COPA: variants seen among roughly 807,000 people sequenced by gnomAD.
COPA encodes the protein coatomer subunit alpha.
A neutral mutation model predicts 158.7 loss-of-function variants in COPA; 10 were observed. The ratio of observed to expected loss-of-function variants is 0.06; its 90% CI spans 0.04 to 0.11. COPA has a LOEUF of 0.11. Ranked by LOEUF, COPA falls within the 10% of genes least tolerant of loss-of-function variation. COPA has a pLI of 1.00. For synonymous variants in COPA, 462 were observed against 542.8 expected, an observed-to-expected ratio of 0.85 and a Z score of 2.07; for missense variants, 1,065 against 1,536.7, an observed-to-expected ratio of 0.69 and a Z score of 5.13.
Position 160,289,551 on chromosome 1 carries a change from T to C in COPA, c.*606A>G, listed in dbSNP as rs1281649173. The C allele has an allele frequency of 2.6e-5, 4 of 151,680 alleles. No individual in the cohort carries two copies. The highest frequency in any genetic ancestry group is 9.7e-5 in the African/African-American group (4 of 41,238). The allele number at this position is 151,680 out of a possible 1,614,324, so 9.4% of individuals were successfully genotyped here. A position where few individuals can be genotyped will look rare whatever the true frequency, so the allele number is the denominator to read the frequency against. ...CTGCTGTGGGGAAAGGAGGGATAAA[T>C]ACTGAAGGGATTTACTAAACAAATG... On this transcript the variant is annotated 3_prime_UTR_variant, in exon 33 of 33. Coordinates refer to ENST00000241704, the MANE Select transcript of COPA (RefSeq NM_004371.4).
In COPA at chr1:160,295,807, A is replaced by G; in HGVS notation, c.2405T>C (p.Met802Thr). 1 of 1,613,710 alleles carries G rather than the reference A, an allele frequency of 6.2e-7. No homozygotes were observed. The highest frequency in any genetic ancestry group is 8.5e-7 in the Non-Finnish European group (1 of 1,179,888). The change falls in exon 23 of 33, where the codon ATG (methionine) becomes ACG (threonine). Residue 802 changes from methionine (M) to threonine (T), a missense_variant. Coordinates refer to ENST00000241704, the MANE Select transcript of COPA (RefSeq NM_004371.4). ...TAAAGGCCAATTGGTATCCAATGGC[A>G]TGATAGGTGCAGGTGGCTGGAGCAG... ...AKLLQPPAPI[M>T]PLDTNWPLLT...
intron 11 of COPA, among the ~76,000 whole-genome samples, chr1:160,311,453 A>T (rs1417714598): frequency 1.4e-5 from 2 of 141,876 alleles, no homozygotes; most frequent in African/African-American, 5.3e-5. Context: ...AAAAAAATTT[A>T]AAAATAAATA....
chr1:160,338,222 A>C (rs532497157), intron 3 of COPA, among the ~76,000 whole-genome samples: 3 of 152,326 alleles, frequency 2.0e-5, no homozygotes, highest in South Asian at 2.1e-4. Context: ...CAAATACAAA[A>C]ATACTATAAT....
chr1:160,295,034 C>G (rs1230732194), intron 23 of COPA, among the ~76,000 whole-genome samples, 177 bp from the exon 24 acceptor site: 1 of 152,172 alleles, frequency 6.6e-6, no homozygotes, highest in Non-Finnish European at 1.5e-5. Context: ...CTTGCAGTAG[C>G]TTTCACAGAG....
chr1:160,341,796 T>C (rs1387034972), intron 1 of COPA, among the ~76,000 whole-genome samples: 1 of 152,208 alleles, frequency 6.6e-6, no homozygotes, highest in Non-Finnish European at 1.5e-5. Context: ...TTCTAAATTG[T>C]CTATTTTTCC....
chr1:160,309,308 A>G, intron 12 of COPA, 132 bp from the exon 13 acceptor site: 1 of 684,928 alleles, frequency 1.5e-6, no homozygotes. Context: ...CTTACCCTTC[A>G]CCCAGAGGGC....
intron 21 of COPA, 141 bp downstream of exon 21, chr1:160,297,202 A>G: frequency 1.4e-6 from 1 of 731,734 alleles, no homozygotes; most frequent in Non-Finnish European, 2.3e-6. Context: ...AAATCTTCTA[A>G]GCACAGTAGG....
chr1:160,315,015 C>A (rs1307438704), intron 8 of COPA, among the ~76,000 whole-genome samples: 1 of 152,182 alleles, frequency 6.6e-6, no homozygotes, highest in Non-Finnish European at 1.5e-5. Flanking sequence ...CTCCCCTCCA[C>A]AGAAAACCCA....
chr1:160,313,268 G>A (rs1659027428), intron 9 of COPA, 101 bp from the exon 10 acceptor site: 1 of 1,017,506 alleles, frequency 9.8e-7, no homozygotes, highest in Non-Finnish European at 1.5e-6. Flanking sequence ...TGATTAAAAT[G>A]TAAATCAGGG....
intron 24 of COPA, 34 bp downstream of exon 24, chr1:160,294,734 T>C (rs1314629227): frequency 9.9e-6 from 16 of 1,610,714 alleles, no homozygotes; most frequent in Admixed American, 1.7e-5. Flanking sequence ...AAGGTGTCCA[T>C]CACCCCAGAA....
In COPA at chr1:160,297,722, T is replaced by C. The variant is rs1557861972; in HGVS notation, c.2001A>G (p.Ala667=). The C allele has an allele frequency of 1.2e-6, 2 of 1,614,062 alleles. No individual in the cohort carries two copies. Among genetic ancestry groups the C allele is most frequent in the African/African-American group, 1.3e-5 (1 of 75,030 alleles). Residue 667 remains alanine (A), a synonymous_variant, in exon 20 of 33, where the codon GCA becomes GCG. Transcript: ENST00000241704. ...NIEIALEAAK[A]LDDKNCWEKL... is the part of the protein sequence containing the mutation. Reference sequence around the variant, plus strand: ...TTTCCCAGCAGTTCTTGTCATCCAGTGCTTTGGCTGCTTCCAGAGCAATCT... The same window carrying C: ...TTTCCCAGCAGTTCTTGTCATCCAGCGCTTTGGCTGCTTCCAGAGCAATCT...
At position 160,317,176 on chromosome 1, in the gene COPA, T is replaced by C. The variant is rs78562513; in HGVS notation, c.707-3051A>G. Among the ~76,000 whole-genome samples the C allele has an allele frequency of 4.5e-3, 683 of 152,318 alleles. 6 individuals are homozygous for C. Among genetic ancestry groups the C allele is most frequent in the African/African-American group, 0.016 (646 of 41,566 alleles). Reference sequence around the variant, plus strand: ...CAAATATGAAGGATAGTATTTCCCATACAAACAAAAGGTGAGAATTTACCA... The same window carrying C: ...CAAATATGAAGGATAGTATTTCCCACACAAACAAAAGGTGAGAATTTACCA... On this transcript the variant is annotated intron_variant, in intron 8 of 32. Transcript: ENST00000241704.
chr1:160,295,750 G>A lies in COPA; in HGVS notation c.2462C>T (p.Thr821Ile), dbSNP rs768230341. Residue 821 changes from threonine (T) to isoleucine (I), a missense_variant, in exon 23 of 33, where the codon ACC (threonine) becomes ATC (isoleucine). This residue lies in a region of COPA where 980 missense variants were observed against 1,357.8 expected (regional missense o/e 0.72). Transcript: ENST00000241704. ...TAGGTACTTACCTTTGCTGGCAATG[G>A]TGCCTTCAAAAAATCCTTTGGATAC... ...LTVSKGFFEGTIASKGKGGAL... is the reference protein window; with the variant it reads ...LTVSKGFFEGIIASKGKGGAL... 6.2e-7 allele frequency: 1 copy of A among 1,606,670 alleles called. No individual in the cohort carries two copies. The highest frequency in any genetic ancestry group is 1.1e-5 in the South Asian group (1 of 89,312).
At chr1:160,293,534 A>T in intron 25 of COPA, 71 bp from the exon 26 acceptor site, 2 of 1,199,602 alleles carry the variant, frequency 1.7e-6, no homozygotes, top group Non-Finnish European at 2.3e-6. Flanking sequence ...ACACTCTGTC[A>T]CCTAGACTGG....
Position 160,290,194 on chromosome 1 carries a change from A to C in COPA, c.3638T>G (p.Val1213Gly). Residue 1213 changes from valine (V) to glycine (G), a missense_variant, in exon 33 of 33, where the codon GTG (valine) becomes GGG (glycine). By Grantham distance (109) the Val-to-Gly change is moderately radical (BLOSUM62 -3). Around this residue, in one of 2 missense-constraint regions of COPA, gnomAD observed 980 missense variants for 1,357.8 expected, o/e 0.72. Coordinates refer to ENST00000241704, the MANE Select transcript of COPA (RefSeq NM_004371.4). ...VTTVTEIGKD[V>G]IGLRISPLQF... ...CAGAGGACTGATCCTTAAACCAATC[A>C]CATCTTTGCCAATCTCTGTCACCTG... 6.2e-7 allele frequency: 1 copy of C among 1,614,136 alleles called. No individual in the cohort carries two copies. The highest frequency in any genetic ancestry group is 1.3e-5 in the African/African-American group (1 of 75,032).
At chr1:160,321,906 G>A (rs1659340232) in intron 8 of COPA, among the ~76,000 whole-genome samples, 1 of 152,086 alleles carries the variant, frequency 6.6e-6, no homozygotes, top group South Asian at 2.1e-4. Flanking sequence ...AACCAAAGAA[G>A]TGAAAGGGCC....
chr1:160,329,926 A>G (rs1192934689), intron 6 of COPA, among the ~76,000 whole-genome samples: 1 of 152,184 alleles, frequency 6.6e-6, no homozygotes, highest in Non-Finnish European at 1.5e-5. Context: ...TAGCCTGGCC[A>G]AAATAGTGAA....
intron 8 of COPA, among the ~76,000 whole-genome samples, chr1:160,318,376 C>T (rs1305992238): frequency 6.9e-6 from 1 of 145,694 alleles, no homozygotes; most frequent in Non-Finnish European, 1.5e-5. Context: ...CAGAACACTG[C>T]TCTTTTTGAT....
intron 13 of COPA, among the ~76,000 whole-genome samples, chr1:160,308,609 G>A (rs1421856694): frequency 1.3e-5 from 2 of 152,204 alleles, no homozygotes; most frequent in African/African-American, 4.8e-5. Context: ...AGTGGTAATG[G>A]AAGAGGTAGG....
Sources: allele counts gnomAD v4.1 joint callset (sites outside exome capture counted in the v4.1 genomes callset), GRCh38; gene constraint gnomAD v4.1.1; regional missense constraint gnomAD v4.1.1; transcripts MANE v1.5; gene names NCBI Gene and HGNC (gene_info 2026-07-23, HGNC 2026-07-21).